COPG1: variants seen among roughly 807,000 people sequenced by gnomAD.
The protein encoded by COPG1 is coatomer subunit gamma-1.
Under a neutral mutation model 102.8 loss-of-function variants are expected in COPG1, and 29 were observed. The observed-to-expected ratio is 0.28, with a 90% CI of 0.21 to 0.38. The LOEUF (loss-of-function observed/expected upper bound fraction) is 0.38, where lower values mean the gene tolerates loss of function less well. Among genes scored for constraint, COPG1 ranks in the 10% least tolerant of loss-of-function variants. The probability of loss-of-function intolerance (pLI) is 1.00; values close to 1 mark genes in which losing one functional copy is unlikely to be tolerated. For synonymous variants in COPG1, 406 were observed against 421.6 expected (o/e 0.96, Z 0.45); for missense variants, 875 against 1,132.7 (o/e 0.77, Z 3.27).
At chr3:129,249,984 CA>C (rs1251586508) in intron 1 of COPG1, among the ~76,000 whole-genome samples, 20 of 147,790 alleles carry the variant, frequency 1.4e-4, no homozygotes, top group East Asian at 3.9e-4. Context: ...CCCCCCCCCC[CA>C]GGCCTCAATT....
rs572935361 is a variant in COPG1 at position 129,276,846 on chromosome 3, C to T, written c.2495-448C>T. Among the ~76,000 whole-genome samples, 48 of 114,292 alleles carry T rather than the reference C, an allele frequency of 4.2e-4. No homozygotes were observed. The East Asian group carries it at 5.4e-3, about 13-fold the overall frequency. The allele number at this position is 114,292 out of a possible 152,430, so 75.0% of individuals were successfully genotyped here. ...TTCTTTTTTTTTTTTTTTTTTGAGA[C>T]GGAGTCTAGCTCTGTCACCCAGGCT... On this transcript the variant is annotated intron_variant, in intron 23 of 23. Transcript: ENST00000314797.
intron 10 of COPG1, 35 bp from the exon 11 acceptor site, chr3:129,260,298 A>G: frequency 1.9e-6 from 3 of 1,605,978 alleles, no homozygotes; most frequent in Non-Finnish European, 2.6e-6. Flanking sequence ...CCAGCAGTGA[A>G]GGCAACCTGA....
At position 129,265,663 on chromosome 3, in the gene COPG1, G is replaced by A; in HGVS notation, c.1339G>A (p.Glu447Lys). 6.2e-7 allele frequency: 1 copy of A among 1,614,200 alleles called. No homozygotes were observed. The highest frequency in any genetic ancestry group is 8.5e-7 in the Non-Finnish European group (1 of 1,180,034). Residue 447 changes from glutamate to lysine, a missense_variant, in exon 14 of 24, where the codon GAG (glutamate) becomes AAG (lysine). Coordinates refer to ENST00000314797, the MANE Select transcript of COPG1 (RefSeq NM_016128.4). ...SHLCEFIEDC[E>K]FTVLATRILH... Reference sequence around the variant, plus strand: ...TCTGTGCGAGTTCATCGAGGACTGCGAGTTCACAGTGCTGGCCACCCGTAT... The same window carrying A: ...TCTGTGCGAGTTCATCGAGGACTGCAAGTTCACAGTGCTGGCCACCCGTAT...
At chr3:129,273,084 G>A (rs534633497) in intron 21 of COPG1, among the ~76,000 whole-genome samples, 180 bp downstream of exon 21, 20 of 152,154 alleles carry the variant, frequency 1.3e-4, no homozygotes, top group Non-Finnish European at 2.4e-4. Flanking sequence ...GTGCAGTGGC[G>A]CGATCTCGGC....
chr3:129,260,754 C>T lies in COPG1; in HGVS notation c.1075C>T (p.Arg359Cys), dbSNP rs747015149. ...LKTGSESSID[R>C]LMKQISSFMS... ...GACGGGCAGCGAGAGCAGCATCGAC[C>T]GCCTCATGAAGCAGATCTCCTCCTT... The change falls in exon 12 of 24, where the codon CGC (arginine) becomes TGC (cysteine). Residue 359 changes from arginine (R) to cysteine (C), a missense_variant. Arg to Cys is a radical substitution (Grantham distance 180). Transcript: ENST00000314797. 63 of 1,612,794 alleles carry T rather than the reference C, an allele frequency of 3.9e-5. No individual in the cohort carries two copies. The highest frequency in any genetic ancestry group is 8.9e-5 in the East Asian group (4 of 44,892).
intron 17 of COPG1, 23 bp downstream of exon 17, chr3:129,268,643 A>G (rs772039623): frequency 4.9e-5 from 79 of 1,611,368 alleles, no homozygotes; most frequent in Non-Finnish European, 6.4e-5. Context: ...CTCCTCCCAG[A>G]GGCCATCAAG....
rs541769033 is a variant in COPG1, at chr3:129,254,517, T to G, written c.324-151T>G. Reference sequence around the variant, plus strand: ...GTCTTATGAAACTCCCTCCAGCAGCTGTGTGGAGTTAGGCTTGGAGGGGCA... The same window carrying G: ...GTCTTATGAAACTCCCTCCAGCAGCGGTGTGGAGTTAGGCTTGGAGGGGCA... On this transcript the variant is annotated intron_variant, in intron 5 of 23. Transcript: ENST00000314797. 5 of 580,806 alleles carry G rather than the reference T, an allele frequency of 8.6e-6. No individual in the cohort carries two copies. In the African/African-American group the frequency reaches 9.4e-5, roughly 11 times the overall value. 36.0% of individuals were successfully genotyped at this position (580,806 alleles called of 1,614,324 possible).
chr3:129,250,591 C>T, intron 1 of COPG1, 91 bp from the exon 2 acceptor site: 2 of 1,030,728 alleles, frequency 1.9e-6, no homozygotes, highest in Non-Finnish European at 3.0e-6. Context: ...TACTAGATTT[C>T]CTAGGAAGGG....
chr3:129,249,700 C>A lies in COPG1; in HGVS notation c.-10C>A. On this transcript the variant is annotated 5_prime_UTR_variant, in exon 1 of 24. Transcript: ENST00000314797. ...ATTGCGTTGCTGCATTGCGCCCCAC[C>A]GACTCCACTATGTTGAAGAAATTCG... 3.9e-6 allele frequency: 6 copies of A among 1,551,406 alleles called. No individual in the cohort carries two copies. The highest frequency in any genetic ancestry group is 5.2e-6 in the Non-Finnish European group (6 of 1,146,924).
At chr3:129,267,766 G>A (rs999342345) in intron 15 of COPG1, among the ~76,000 whole-genome samples, 171 bp from the exon 16 acceptor site, 2 of 152,092 alleles carry the variant, frequency 1.3e-5, no homozygotes, top group Non-Finnish European at 2.9e-5. Flanking sequence ...CACCCCAAAG[G>A]GAACTCAGTG....
chr3:129,254,248 C>T (rs114101944), intron 5 of COPG1: 1,970 of 157,194 alleles, frequency 0.013, 44 homozygotes, highest in African/African-American at 0.045. Flanking sequence ...GAGCCAAGAT[C>T]GCACCCCATT....
At chr3:129,267,691 A>G (rs1161640359) in intron 15 of COPG1, among the ~76,000 whole-genome samples, 1 of 152,154 alleles carries the variant, frequency 6.6e-6, no homozygotes, top group Non-Finnish European at 1.5e-5. Context: ...GTGTAGTTTG[A>G]TGGGTTTTAG....
At chr3:129,256,026 G>T in intron 7 of COPG1, 42 bp from the exon 8 acceptor site, 1 of 1,568,106 alleles carries the variant, frequency 6.4e-7, no homozygotes, top group South Asian at 1.1e-5. Flanking sequence ...GTGTGATGGG[G>T]ACACTTCCTA....
At chr3:129,252,536 G>A in intron 3 of COPG1, 87 bp from the exon 4 acceptor site, 1 of 1,204,878 alleles carries the variant, frequency 8.3e-7, no homozygotes, top group Middle Eastern at 1.9e-4. Context: ...CCTCTTTAGG[G>A]TCTGGGGATC....
intron 6 of COPG1, 118 bp downstream of exon 6, chr3:129,254,861 T>C (rs1939773380): frequency 8.5e-7 from 1 of 1,182,748 alleles, no homozygotes; most frequent in East Asian, 2.4e-5. Flanking sequence ...GTGGAGGCAG[T>C]GTGCAGGAGC....
At chr3:129,274,392 C>A (rs562972520) in intron 21 of COPG1, among the ~76,000 whole-genome samples, 2 of 152,270 alleles carry the variant, frequency 1.3e-5, no homozygotes, top group South Asian at 4.1e-4. Flanking sequence ...ATCCAGAGGA[C>A]ACAGCTGGGG....
At chr3:129,253,450 C>G (rs955086858) in intron 5 of COPG1, among the ~76,000 whole-genome samples, 1 of 152,166 alleles carries the variant, frequency 6.6e-6, no homozygotes, top group African/African-American at 2.4e-5. Flanking sequence ...AAAATATTGT[C>G]TGTCAGTCCC....
chr3:129,252,667 C>T lies in COPG1; in HGVS notation c.216C>T (p.Ala72=), dbSNP rs369603395. 29 of 1,614,040 alleles carry T rather than the reference C, an allele frequency of 1.8e-5. No homozygotes were observed. Among genetic ancestry groups the T allele is most frequent in the Non-Finnish European group, 2.3e-5 (27 of 1,180,018 alleles). The change falls in exon 4 of 24, where the codon GCC becomes GCT. Residue 72 remains alanine (A), a synonymous_variant. Transcript: ENST00000314797. ...CGGAAGCGACCGAGGCCTTCTTTGC[C>T]ATGACCAAGCTCTTTCAGTCCAATG... ...GTTEATEAFF[A]MTKLFQSNDP... is the part of the protein sequence containing the mutation.
Position 129,260,783 on chromosome 3 carries a change from G to T in COPG1, c.1104G>T (p.Met368Ile), listed in dbSNP as rs1560064684. The T allele has an allele frequency of 6.2e-7, 1 of 1,612,454 alleles. No individual in the cohort carries two copies. Among genetic ancestry groups the T allele is most frequent in the South Asian group, 1.1e-5 (1 of 90,994 alleles). Reference protein sequence around the residue: ...DRLMKQISSFMSEISDEFKVV... With the variant: ...DRLMKQISSFISEISDEFKVV... The stretch of plus-strand genomic sequence containing the variant: ...TCATGAAGCAGATCTCCTCCTTCAT[G>T]TCAGAAATCTCGGATGAATTCAAGG... The change falls in exon 12 of 24, where the codon ATG (methionine) becomes ATT (isoleucine). Residue 368 changes from methionine to isoleucine, a missense_variant. Coordinates refer to ENST00000314797, the MANE Select transcript of COPG1 (RefSeq NM_016128.4).
Sources: allele counts gnomAD v4.1 joint callset (sites outside exome capture counted in the v4.1 genomes callset), GRCh38; gene constraint gnomAD v4.1.1; transcripts MANE v1.5; gene names NCBI Gene and HGNC (gene_info 2026-07-23, HGNC 2026-07-21).